SV2C: variants seen among roughly 807,000 people sequenced by gnomAD.
SV2C encodes the protein solute carrier family 22 member B3.
SV2C carries 49 observed loss-of-function variants against 79.7 expected under a neutral mutation model. The observed-to-expected ratio is 0.61, with a 90% CI of 0.49 to 0.78. The LOEUF (loss-of-function observed/expected upper bound fraction) is 0.78. Among genes scored for constraint, SV2C ranks in the 30% least tolerant of loss-of-function variants. The pLI, the probability that SV2C is intolerant of heterozygous loss-of-function variation, is 0.00. For synonymous variants in SV2C, 334 were observed against 333.2 expected (o/e 1.00, Z -0.03); for missense variants, 833 against 912.9 (o/e 0.91, Z 1.13).
chr5:76,219,661 A>T (rs1468438403), intron 4 of SV2C, among the ~76,000 whole-genome samples: 2 of 152,182 alleles, frequency 1.3e-5, no homozygotes, highest in Non-Finnish European at 2.9e-5. Context: ...GAAGGCATCT[A>T]TCAGCTAGGA....
chr5:75,934,390 G>T, the SV2C span, among the ~76,000 whole-genome samples: 1 of 135,808 alleles, frequency 7.4e-6, no homozygotes, highest in Non-Finnish European at 1.5e-5. Context: ...TGATTCAAAT[G>T]ATTCTCCTGC....
At chr5:75,852,812 C>T in the SV2C span, among the ~76,000 whole-genome samples, 2 of 126,388 alleles carry the variant, frequency 1.6e-5, no homozygotes, top group Non-Finnish European at 1.5e-5. Flanking sequence ...GGCGACAGAG[C>T]GAGACTCCGT....
chr5:76,241,984 C>G, intron 4 of SV2C: 1 of 987,748 alleles, frequency 1.0e-6, no homozygotes, highest in Non-Finnish European at 1.6e-6. Flanking sequence ...TCAAACTGTA[C>G]AGTCACCAGA....
the SV2C span, among the ~76,000 whole-genome samples, chr5:75,938,140 TG>T: frequency 6.6e-6 from 1 of 152,318 alleles, no homozygotes. Flanking sequence ...GTGGACTGGA[TG>T]GCTAGTGGCA....
the SV2C span, among the ~76,000 whole-genome samples, chr5:76,076,278 C>G: frequency 6.6e-6 from 1 of 152,172 alleles, no homozygotes; most frequent in African/African-American, 2.4e-5. Flanking sequence ...GGTAGGGCAA[C>G]CAGCAGAGTT....
At chr5:75,965,895 C>T in the SV2C span, among the ~76,000 whole-genome samples, 1 of 152,040 alleles carries the variant, frequency 6.6e-6, no homozygotes, top group East Asian at 1.9e-4. Context: ...AAAATGCTCA[C>T]ATATAAGGAA....
intron 4 of SV2C, among the ~76,000 whole-genome samples, chr5:76,255,993 C>T (rs2112447650): frequency 6.6e-6 from 1 of 152,298 alleles, no homozygotes; most frequent in African/African-American, 2.4e-5. Flanking sequence ...GGACAGAATG[C>T]AAAATATGTG....
At chr5:75,938,831 A>G in the SV2C span, among the ~76,000 whole-genome samples, 1 of 152,196 alleles carries the variant, frequency 6.6e-6, no homozygotes, top group Non-Finnish European at 1.5e-5. Flanking sequence ...TAACTTGAGG[A>G]CCAAAGTTTA....
At chr5:76,098,129 C>A (rs1747627140) in intron 1 of SV2C, among the ~76,000 whole-genome samples, 1 of 152,110 alleles carries the variant, frequency 6.6e-6, no homozygotes, top group Non-Finnish European at 1.5e-5. Flanking sequence ...GGGAGATGCC[C>A]AGTAGGAATC....
At chr5:76,286,015 C>A in intron 6 of SV2C, 145 bp downstream of exon 6, 1 of 615,646 alleles carries the variant, frequency 1.6e-6, no homozygotes, top group South Asian at 2.3e-5. Context: ...GCAAAAGCAG[C>A]CATAGGCAAT....
chr5:76,008,195 T>C, the SV2C span, among the ~76,000 whole-genome samples: 2 of 152,194 alleles, frequency 1.3e-5, no homozygotes, highest in Non-Finnish European at 2.9e-5. Context: ...AAACAATGTC[T>C]GAACACAAAT....
intron 4 of SV2C, among the ~76,000 whole-genome samples, chr5:76,267,530 G>A (rs567600414): frequency 4.6e-5 from 7 of 152,132 alleles, no homozygotes; most frequent in Non-Finnish European, 1.0e-4. Flanking sequence ...TCTACTTAAG[G>A]TGATTCAAAC....
At chr5:75,970,032 C>T in the SV2C span, among the ~76,000 whole-genome samples, 1 of 152,038 alleles carries the variant, frequency 6.6e-6, no homozygotes, top group Non-Finnish European at 1.5e-5. Flanking sequence ...CTCAAAACCG[C>T]TCATCTACAT....
the SV2C span, among the ~76,000 whole-genome samples, chr5:76,057,980 G>A: frequency 6.6e-6 from 1 of 152,008 alleles, no homozygotes; most frequent in Non-Finnish European, 1.5e-5. Context: ...ACTATGTAAC[G>A]TCCATTTCTT....
chr5:75,873,673 G>A, the SV2C span, among the ~76,000 whole-genome samples: 528 of 152,078 alleles, frequency 3.5e-3, 1 homozygote, highest in African/African-American at 0.012. Context: ...GAAACATTAC[G>A]TCTGTGATAC....
At chr5:75,935,952 T>G in the SV2C span, among the ~76,000 whole-genome samples, 2 of 152,212 alleles carry the variant, frequency 1.3e-5, no homozygotes, top group African/African-American at 4.8e-5. Flanking sequence ...TATAAAATTT[T>G]TGATAGATTA....
At chr5:76,301,986 AGTT>A (rs1181381133) in intron 12 of SV2C, among the ~76,000 whole-genome samples, 1 of 152,032 alleles carries the variant, frequency 6.6e-6, no homozygotes, top group Non-Finnish European at 1.5e-5. Context: ...GGCTTCACAA[AGTT>A]GTAGGTTCCA....
At position 76,283,205 on chromosome 5, in the gene SV2C, C is replaced by T. The variant is rs72775722; in HGVS notation, c.914-1957C>T. ...GTGTGCACCTGTAGTCCTAGCTACTCGGGACTCCTGCTGAGGCAGGAGAAT... is the reference window on the plus strand; with the variant it reads ...GTGTGCACCTGTAGTCCTAGCTACTTGGGACTCCTGCTGAGGCAGGAGAAT... On this transcript the variant is annotated intron_variant, in intron 4 of 12. Coordinates refer to ENST00000502798, the MANE Select transcript of SV2C (RefSeq NM_014979.4). Among the ~76,000 whole-genome samples, 1,289 of 152,050 alleles carry T rather than the reference C, an allele frequency of 8.5e-3. 7 individuals carry two copies. The highest frequency in any genetic ancestry group is 0.051 in the Middle Eastern group (15 of 294).
At chr5:76,275,513 A>C (rs1747000094) in intron 4 of SV2C, among the ~76,000 whole-genome samples, 1 of 152,020 alleles carries the variant, frequency 6.6e-6, no homozygotes, top group Non-Finnish European at 1.5e-5. Context: ...AACACAAACA[A>C]AAACAAAACA....
Sources: allele counts gnomAD v4.1 joint callset (sites outside exome capture counted in the v4.1 genomes callset), GRCh38; gene constraint gnomAD v4.1.1; transcripts MANE v1.5; gene names NCBI Gene and HGNC (gene_info 2026-07-23, HGNC 2026-07-21).